Variants in SCN7A observed in about 807,000 individuals in gnomAD.
SCN7A encodes sodium voltage-gated channel alpha subunit 7.
In SCN7A, 138 loss-of-function variants were observed where a neutral mutation model predicts 155.2. The ratio of observed to expected loss-of-function variants is 0.89; its 90% confidence interval spans 0.77 to 1.02. The LOEUF is 1.02. SCN7A is among the 50% of genes least tolerant of loss of function. The pLI is 0.00. For synonymous variants in SCN7A, 693 were observed against 649.0 expected, an observed-to-expected ratio of 1.07 and a Z score of -1.03; for missense variants, 2,058 against 1,986.6, an observed-to-expected ratio of 1.04 and a Z score of -0.68.
intron 3 of SCN7A, among the ~76,000 whole-genome samples, chr2:166,477,042 GATAA>G (rs1261115506): frequency 6.6e-6 from 1 of 151,928 alleles, no homozygotes; most frequent in Non-Finnish European, 1.5e-5. Flanking sequence ...GAATAAAAAT[GATAA>G]ATAACATACG....
At chr2:166,476,609 A>G (rs1702803227) in intron 3 of SCN7A, among the ~76,000 whole-genome samples, 1 of 151,960 alleles carries the variant, frequency 6.6e-6, no homozygotes, top group Non-Finnish European at 1.5e-5. Context: ...TGCAATCATC[A>G]TTTAGAAATC....
Position 166,441,729 on chromosome 2 carries a change from C to G in SCN7A, c.1824G>C (p.Lys608Asn). The G allele has an allele frequency of 6.2e-7, 1 of 1,601,096 alleles. No homozygotes were observed. Among genetic ancestry groups the G allele is most frequent in the Non-Finnish European group, 8.5e-7 (1 of 1,174,792 alleles). The change falls in exon 15 of 26, where the codon AAG (lysine) becomes AAC (asparagine). Residue 608 changes from lysine to asparagine, a missense_variant. Coordinates refer to ENST00000643258, the MANE Select transcript of SCN7A (RefSeq NM_002976.4). ...TCAAAATCTGGAATGTTGGCCAATA[C>G]TTTCCCAACTTGAAAATTCTTAACT... Reference protein sequence around the residue: ...FRMLRIFKLGKYWPTFQILMW... With the variant: ...FRMLRIFKLGNYWPTFQILMW...
At chr2:166,443,732 T>C (rs896352920) in intron 13 of SCN7A, 56 bp from the exon 14 acceptor site, 1 of 1,272,560 alleles carries the variant, frequency 7.9e-7, no homozygotes, top group African/African-American at 1.5e-5. Flanking sequence ...TGTATCAGAA[T>C]CTTCACACAC....
rs1348072173 is a variant in SCN7A at position 166,414,269 on chromosome 2, CACATATATATATATATACACACACAT to C, written c.3415-1174_3415-1149del. ...AAATATATATAGATATATATACACA[CACATATATATATATATACACACACAT>C]ATATATATATATATATACACATATA... On this transcript the variant is annotated intron_variant, in intron 21 of 25. Coordinates refer to ENST00000643258, the MANE Select transcript of SCN7A (RefSeq NM_002976.4). Among the ~76,000 whole-genome samples the C allele has an allele frequency of 1.6e-4, 4 of 25,714 alleles. No individual in the cohort carries two copies. The South Asian group carries it at 3.8e-3, about 24-fold the overall frequency. 16.9% of individuals were successfully genotyped at this position (25,714 alleles called of 152,430 possible).
intron 1 of SCN7A, among the ~76,000 whole-genome samples, chr2:166,488,242 A>T (rs1048590648): frequency 1.3e-5 from 2 of 152,216 alleles, no homozygotes; most frequent in African/African-American, 4.8e-5. Flanking sequence ...TTCCATAATG[A>T]CTTACAGCTA....
At chr2:166,458,306 G>T (rs1204630971) in intron 10 of SCN7A, among the ~76,000 whole-genome samples, 4 of 149,906 alleles carry the variant, frequency 2.7e-5, no homozygotes, top group Non-Finnish European at 5.9e-5. Flanking sequence ...TCCAGCCTGG[G>T]TGACAGAGTG....
At chr2:166,471,419 C>T (rs1360129600) in intron 6 of SCN7A, among the ~76,000 whole-genome samples, 1 of 151,680 alleles carries the variant, frequency 6.6e-6, no homozygotes, top group Non-Finnish European at 1.5e-5. Context: ...TAAGTGTTAG[C>T]TAACAGAAAC....
chr2:166,438,008 A>G (rs1701875084), intron 15 of SCN7A, among the ~76,000 whole-genome samples: 1 of 152,172 alleles, frequency 6.6e-6, no homozygotes, highest in Non-Finnish European at 1.5e-5. Flanking sequence ...ACTTTTGGAA[A>G]GGCACGATAG....
chr2:166,480,089 CTGAA>C (rs1702886229), intron 2 of SCN7A, among the ~76,000 whole-genome samples: 1 of 152,174 alleles, frequency 6.6e-6, no homozygotes, highest in Non-Finnish European at 1.5e-5. Context: ...CCAAGATGCT[CTGAA>C]TAAGTACAAT....
At chr2:166,470,819 C>T (rs1702638088) in intron 6 of SCN7A, 113 bp from the exon 7 acceptor site, 2 of 844,614 alleles carry the variant, frequency 2.4e-6, no homozygotes, top group Non-Finnish European at 3.5e-6. Context: ...AAACATTTCC[C>T]TTGATCACAT....
rs1367247491 is a variant in SCN7A, at chr2:166,413,086, T to C, written c.3450A>G (p.Ser1150=). ...TACTTACAGCAACAGAATCAATTGCTGAATTCATAATAGTGATCCATCCAT... is the reference window on the plus strand; with the variant it reads ...TACTTACAGCAACAGAATCAATTGCCGAATTCATAATAGTGATCCATCCAT... The part of the protein sequence containing the change: ...TFNGWITIMN[S]AIDSVAVNIQ... The change falls in exon 22 of 26, where the codon TCA becomes TCG. Residue 1150 remains serine (S), a synonymous_variant. Coordinates refer to ENST00000643258, the MANE Select transcript of SCN7A (RefSeq NM_002976.4). 1 of 1,541,188 alleles carries C rather than the reference T, an allele frequency of 6.5e-7. No individual in the cohort carries two copies. The highest frequency in any genetic ancestry group is 8.8e-7 in the Non-Finnish European group (1 of 1,141,060).
At chr2:166,421,962 C>A (rs1559094055) in intron 19 of SCN7A, among the ~76,000 whole-genome samples, 1 of 151,980 alleles carries the variant, frequency 6.6e-6, no homozygotes, top group African/African-American at 2.4e-5. Context: ...AAAATTTCTT[C>A]TTTTTACCCT....
At chr2:166,472,187 C>T (rs2105500426) in intron 6 of SCN7A, 130 bp downstream of exon 6, 2 of 871,274 alleles carry the variant, frequency 2.3e-6, no homozygotes, top group Non-Finnish European at 3.4e-6. Flanking sequence ...TCACTATGAC[C>T]ATAACTTTGA....
chr2:166,430,798 C>T (rs1220565152), intron 16 of SCN7A, among the ~76,000 whole-genome samples: 1 of 151,692 alleles, frequency 6.6e-6, no homozygotes, highest in Non-Finnish European at 1.5e-5. Context: ...AGCAAAGAAA[C>T]AAGACAGTGT....
At chr2:166,413,771 C>T (rs983902995) in intron 21 of SCN7A, among the ~76,000 whole-genome samples, 5 of 150,566 alleles carry the variant, frequency 3.3e-5, no homozygotes, top group Admixed American at 6.7e-5. Context: ...CGTGAAAAGG[C>T]GAGACTGGCC....
chr2:166,441,664 A>G lies in SCN7A; in HGVS notation c.1889T>C (p.Leu630Ser). The G allele has an allele frequency of 6.2e-7, 1 of 1,613,890 alleles. No individual in the cohort carries two copies. Among genetic ancestry groups the G allele is most frequent in the South Asian group, 1.1e-5 (1 of 91,072 alleles). ...LSNSWVALKDLVLLLFTFIFF... is the reference protein window; with the variant it reads ...LSNSWVALKDSVLLLFTFIFF... ...GATGAATGTGAACAACAACAGGACCAAGTCTTTCAGGGCCACCCATGAGTT... is the reference window on the plus strand; with the variant it reads ...GATGAATGTGAACAACAACAGGACCGAGTCTTTCAGGGCCACCCATGAGTT... The change falls in exon 15 of 26, where the codon TTG (leucine) becomes TCG (serine). Residue 630 changes from leucine (L) to serine (S), a missense_variant. Transcript: ENST00000643258.
chr2:166,432,748 A>C lies in SCN7A; in HGVS notation c.2162T>G (p.Leu721Arg). 6.5e-7 allele frequency: 1 copy of C among 1,528,048 alleles called. No individual in the cohort carries two copies. The highest frequency in any genetic ancestry group is 8.7e-7 in the Non-Finnish European group (1 of 1,144,030). 94.7% of individuals were successfully genotyped at this position (1,528,048 alleles called of 1,614,324 possible). ...MVILIGNLLV[L>R]YLFLALVSSF... ...GCTCACCAATGCCAGAAACAGGTAA[A>C]GTACCTAAATAAGGAAGTAAAATGA... The change falls in exon 16 of 26, where the codon CTT (leucine) becomes CGT (arginine). Residue 721 changes from leucine to arginine, a missense_variant. Transcript: ENST00000643258.
intron 12 of SCN7A, among the ~76,000 whole-genome samples, chr2:166,447,042 T>A (rs1326280226): frequency 6.6e-6 from 1 of 152,094 alleles, no homozygotes; most frequent in East Asian, 1.9e-4. Context: ...AAGTTTAATT[T>A]AAAAAAATCT....
chr2:166,471,725 TGGG>T (rs71820372), intron 6 of SCN7A, among the ~76,000 whole-genome samples: 122 of 134,736 alleles, frequency 9.1e-4, no homozygotes, highest in African/African-American at 3.0e-3. Context: ...CCAGAAAATG[TGGG>T]GGGGGGGGTG....
Sources: allele counts gnomAD v4.1 joint callset (sites outside exome capture counted in the v4.1 genomes callset), GRCh38; gene constraint gnomAD v4.1.1; transcripts MANE v1.5; gene names NCBI Gene and HGNC (gene_info 2026-07-23, HGNC 2026-07-21).